Variants in GRK5 observed in about 807,000 individuals in gnomAD.
GRK5 encodes the protein G protein-coupled receptor kinase 5.
In GRK5, 40 loss-of-function variants were observed where a neutral mutation model predicts 78.4. The ratio of observed to expected loss-of-function variants is 0.51; its 90% CI spans 0.40 to 0.66. The LOEUF (loss-of-function observed/expected upper bound fraction) is 0.66. Among genes scored for constraint, GRK5 ranks in the 30% least tolerant of loss-of-function variants. The pLI, the probability that GRK5 is intolerant of heterozygous loss-of-function variation, is 0.00. For missense variants in GRK5, 598 were observed against 759.9 expected, an observed-to-expected ratio of 0.79 and a Z score of 2.50; for synonymous variants, 289 against 296.8, an observed-to-expected ratio of 0.97 and a Z score of 0.27.
chr10:119,214,896 G>A (rs575680269), intron 1 of GRK5, among the ~76,000 whole-genome samples: 1 of 152,332 alleles, frequency 6.6e-6, no homozygotes, highest in African/African-American at 2.4e-5. Flanking sequence ...CTTTGGTTGA[G>A]GAATGACAAG....
intron 1 of GRK5, among the ~76,000 whole-genome samples, chr10:119,304,618 G>A (rs899981756): frequency 4.6e-5 from 7 of 152,176 alleles, no homozygotes; most frequent in Non-Finnish European, 7.3e-5. Flanking sequence ...TCCACCTAGC[G>A]AGCAGCTGAG....
chr10:119,454,667 C>G (rs935611485), intron 15 of GRK5, among the ~76,000 whole-genome samples: 1 of 152,188 alleles, frequency 6.6e-6, no homozygotes, highest in African/African-American at 2.4e-5. Context: ...GGCCACTCTG[C>G]GAGGGAGGGG....
intron 2 of GRK5, chr10:119,335,950 G>A (rs1004605891): frequency 5.9e-5 from 9 of 152,356 alleles, no homozygotes; most frequent in Admixed American, 2.6e-4. Flanking sequence ...GGCCAGCAGA[G>A]TGTTGCACAC....
intron 2 of GRK5, among the ~76,000 whole-genome samples, chr10:119,347,599 C>T (rs1851118923): frequency 1.3e-5 from 2 of 152,248 alleles, no homozygotes; most frequent in African/African-American, 4.8e-5. Flanking sequence ...GACCTGGAGA[C>T]AAGGCCGGGA....
At chr10:119,326,248 C>G (rs1475333920) in intron 1 of GRK5, among the ~76,000 whole-genome samples, 1 of 152,186 alleles carries the variant, frequency 6.6e-6, no homozygotes, top group Non-Finnish European at 1.5e-5. Flanking sequence ...GTGGGGGATG[C>G]CTGGTGTGGG....
intron 3 of GRK5, among the ~76,000 whole-genome samples, chr10:119,389,802 A>G (rs1851858011): frequency 3.3e-4 from 1 of 2,992 alleles, no homozygotes; most frequent in East Asian, 1.4e-3. Flanking sequence ...ATCATGAGCA[A>G]CACACACACA....
At chr10:119,290,963 G>T (rs530871822) in intron 1 of GRK5, among the ~76,000 whole-genome samples, 29 of 152,266 alleles carry the variant, frequency 1.9e-4, no homozygotes, top group African/African-American at 6.3e-4. Context: ...CAGTGAATGA[G>T]CCCAGGATGG....
At chr10:119,348,478 G>T (rs1405459486) in intron 2 of GRK5, among the ~76,000 whole-genome samples, 1 of 152,222 alleles carries the variant, frequency 6.6e-6, no homozygotes, top group Non-Finnish European at 1.5e-5. Context: ...TCTGAGCCTT[G>T]TTCCTCCTCT....
At chr10:119,226,095 C>A (rs138581104) in intron 1 of GRK5, among the ~76,000 whole-genome samples, 115 of 151,982 alleles carry the variant, frequency 7.6e-4, no homozygotes, top group African/African-American at 2.5e-3. Flanking sequence ...GATCCACCCG[C>A]TTCAGCCTCC....
intron 1 of GRK5, among the ~76,000 whole-genome samples, chr10:119,243,927 T>C (rs1450234154): frequency 1.3e-5 from 2 of 152,224 alleles, no homozygotes; most frequent in Non-Finnish European, 2.9e-5. Context: ...TCATAGTTTA[T>C]AAAAGAGCAT....
At chr10:119,416,926 T>G (rs964389092) in intron 4 of GRK5, among the ~76,000 whole-genome samples, 1 of 152,182 alleles carries the variant, frequency 6.6e-6, no homozygotes, top group Non-Finnish European at 1.5e-5. Context: ...CAGTTGTTGT[T>G]GCAGAGGCCG....
At chr10:119,423,484 G>A (rs1852612200) in intron 5 of GRK5, among the ~76,000 whole-genome samples, 1 of 152,190 alleles carries the variant, frequency 6.6e-6, no homozygotes, top group Non-Finnish European at 1.5e-5. Context: ...TTGAAAGCAA[G>A]TGGCTCTCCA....
chr10:119,422,207 GT>G (rs1391270024), intron 4 of GRK5, among the ~76,000 whole-genome samples: 1 of 151,944 alleles, frequency 6.6e-6, no homozygotes, highest in South Asian at 2.1e-4. Flanking sequence ...AGGGGAGGGG[GT>G]GGGTAAGGCC....
At chr10:119,354,626 T>C (rs1851239098) in intron 2 of GRK5, among the ~76,000 whole-genome samples, 1 of 152,172 alleles carries the variant, frequency 6.6e-6, no homozygotes, top group Admixed American at 6.5e-5. Context: ...GGTCTCAAAC[T>C]CCTAGGCTCA....
At chr10:119,411,083 G>A (rs530910021) in intron 4 of GRK5, among the ~76,000 whole-genome samples, 13 of 151,756 alleles carry the variant, frequency 8.6e-5, no homozygotes, top group Admixed American at 1.3e-4. Context: ...GAAGCTTTCC[G>A]ACTGGTCACT....
chr10:119,266,918 G>T (rs936343973), intron 1 of GRK5, among the ~76,000 whole-genome samples: 5 of 151,988 alleles, frequency 3.3e-5, no homozygotes, highest in African/African-American at 1.2e-4. Context: ...AGCACTGCAG[G>T]CGTGTGCCAC....
intron 1 of GRK5, among the ~76,000 whole-genome samples, chr10:119,234,970 C>T (rs552771133): frequency 4.0e-5 from 6 of 151,644 alleles, no homozygotes; most frequent in South Asian, 2.1e-4. Flanking sequence ...CTACCACGCC[C>T]GGCCTAATTA....
chr10:119,342,734 G>A (rs1851004446), intron 2 of GRK5, among the ~76,000 whole-genome samples: 2 of 152,186 alleles, frequency 1.3e-5, no homozygotes, highest in East Asian at 3.8e-4. Context: ...AGGGAGCCAG[G>A]GTGCTGCCAG....
At chr10:119,397,203 A>G (rs565421384) in intron 4 of GRK5, among the ~76,000 whole-genome samples, 1 of 152,360 alleles carries the variant, frequency 6.6e-6, no homozygotes, top group East Asian at 1.9e-4. Flanking sequence ...CAACGACATC[A>G]AAGAATGAAG....
Sources: gnomAD v4.1 joint callset for allele counts (sites outside exome capture counted in the v4.1 genomes callset) on GRCh38, gnomAD v4.1.1 for gene constraint, MANE v1.5 for transcripts, NCBI Gene and HGNC (gene_info 2026-07-23, HGNC 2026-07-21) for gene names.